SHISA6: variants seen among roughly 807,000 people sequenced by gnomAD.
SHISA6 encodes the protein protein shisa-6.
A neutral mutation model predicts 47.9 loss-of-function variants in SHISA6; 22 were observed. That is an observed-to-expected ratio of 0.46 (90% CI 0.33 to 0.66). The LOEUF (loss-of-function observed/expected upper bound fraction) is 0.66, where lower values mean the gene tolerates loss of function less well. SHISA6 is among the 30% of genes least tolerant of loss of function. The probability of loss-of-function intolerance (pLI) is 0.02; values close to 1 mark genes in which losing one functional copy is unlikely to be tolerated. For missense variants in SHISA6, 680 were observed against 764.6 expected, an observed-to-expected ratio of 0.89 and a Z score of 1.30; for synonymous variants, 388 against 337.8, an observed-to-expected ratio of 1.15 and a Z score of -1.63.
At chr17:11,400,309 G>T (rs935467994) in intron 3 of SHISA6, among the ~76,000 whole-genome samples, 1 of 152,204 alleles carries the variant, frequency 6.6e-6, no homozygotes, top group Non-Finnish European at 1.5e-5. Context: ...CCTAAGGTGA[G>T]TCAGCATCTT....
chr17:11,486,863 A>G (rs28459044), intron 3 of SHISA6, among the ~76,000 whole-genome samples: 7,186 of 152,288 alleles, frequency 0.047, 557 homozygotes, highest in African/African-American at 0.16. Context: ...TGTCACTACT[A>G]AGTTTACACT....
intron 2 of SHISA6, among the ~76,000 whole-genome samples, chr17:11,309,693 T>C (rs1910249198): frequency 6.6e-6 from 1 of 152,240 alleles, no homozygotes; most frequent in Admixed American, 6.5e-5. Context: ...ATCAAGTGAA[T>C]AGATGTTCCC....
At chr17:11,364,800 T>G (rs1200481832) in intron 2 of SHISA6, among the ~76,000 whole-genome samples, 1 of 152,244 alleles carries the variant, frequency 6.6e-6, no homozygotes, top group Non-Finnish European at 1.5e-5. Context: ...TGGTTTATCA[T>G]TTTGCATTCC....
Position 11,319,723 on chromosome 17 carries a change from C to T in SHISA6, c.799+56197C>T, listed in dbSNP as rs1288573868. The stretch of plus-strand genomic sequence containing the variant: ...AATTCTCCCTCTTTGAGGATATAAA[C>T]ACTGTTCAAAATGTATTCAATTCCT... On this transcript the variant is annotated intron_variant, in intron 2 of 5. Coordinates refer to ENST00000441885, the MANE Select transcript of SHISA6 (RefSeq NM_207386.4). 2.0e-5 allele frequency among the ~76,000 whole-genome samples: 3 copies of T among 152,284 alleles called. No individual in the cohort carries two copies. In the South Asian group the frequency reaches 6.2e-4, roughly 32 times the overall value.
intron 2 of SHISA6, among the ~76,000 whole-genome samples, chr17:11,338,222 A>G (rs533818525): frequency 6.6e-6 from 1 of 152,222 alleles, no homozygotes; most frequent in African/African-American, 2.4e-5. Flanking sequence ...ATCTGCTTTG[A>G]AGATGTTGGG....
intron 3 of SHISA6, among the ~76,000 whole-genome samples, chr17:11,408,006 T>C (rs1403493373): frequency 6.6e-6 from 1 of 152,200 alleles, no homozygotes; most frequent in Non-Finnish European, 1.5e-5. Flanking sequence ...CCCGACACCA[T>C]CAAATGAATA....
At chr17:11,350,835 A>G (rs1052257096) in intron 2 of SHISA6, among the ~76,000 whole-genome samples, 4 of 152,192 alleles carry the variant, frequency 2.6e-5, no homozygotes, top group African/African-American at 9.7e-5. Flanking sequence ...ATGAAGACAC[A>G]TGCACACATA....
At chr17:11,341,340 T>C (rs919523585) in intron 2 of SHISA6, among the ~76,000 whole-genome samples, 3 of 145,202 alleles carry the variant, frequency 2.1e-5, no homozygotes, top group Admixed American at 6.8e-5. Flanking sequence ...TTTTTTTTTT[T>C]TTTTTTTTTT....
In SHISA6 at chr17:11,388,390, G is replaced by GGAGCA. The variant is rs747156579; in HGVS notation, c.895+8890_895+8894dup. Among the ~76,000 whole-genome samples, 3 of 152,092 alleles carry GGAGCA rather than the reference G, an allele frequency of 2.0e-5. No homozygotes were observed. The East Asian group carries it at 5.8e-4, about 29-fold the overall frequency. Reference sequence around the variant, plus strand: ...GGTGAAGGGAGGATGGGTAGGAGTGGGAGCAGAGCAGAGAGGAACTCTCGG... The same window carrying GGAGCA: ...GGTGAAGGGAGGATGGGTAGGAGTGGGAGCAGAGCAGAGCAGAGAGGAACTCTCGG... On this transcript the variant is annotated intron_variant, in intron 3 of 5. Coordinates refer to ENST00000441885, the MANE Select transcript of SHISA6 (RefSeq NM_207386.4).
At chr17:11,409,701 C>T (rs1914063552) in intron 3 of SHISA6, among the ~76,000 whole-genome samples, 1 of 110,448 alleles carries the variant, frequency 9.1e-6, no homozygotes, top group Admixed American at 9.2e-5. Context: ...AAGACTCCAT[C>T]TCAAAAAAAA....
At chr17:11,366,336 C>T (rs779265990) in intron 2 of SHISA6, among the ~76,000 whole-genome samples, 4 of 152,206 alleles carry the variant, frequency 2.6e-5, no homozygotes, top group East Asian at 1.9e-4. Context: ...GGTGGGGTTT[C>T]GCCTTGTTGC....
intron 2 of SHISA6, among the ~76,000 whole-genome samples, chr17:11,317,971 C>T (rs1349936943): frequency 1.3e-5 from 2 of 152,116 alleles, no homozygotes; most frequent in African/African-American, 2.4e-5. Context: ...CTGTCCCTGC[C>T]ACTCATTCCA....
intron 3 of SHISA6, among the ~76,000 whole-genome samples, chr17:11,450,651 C>G (rs189171432): frequency 4.0e-5 from 6 of 151,726 alleles, no homozygotes; most frequent in Non-Finnish European, 8.8e-5. Context: ...GCCAAGATTG[C>G]GCCATTGCAC....
intron 2 of SHISA6, among the ~76,000 whole-genome samples, chr17:11,311,015 G>A (rs1039688582): frequency 6.6e-6 from 1 of 151,294 alleles, no homozygotes; most frequent in Non-Finnish European, 1.5e-5. Flanking sequence ...GCTAAGGCAG[G>A]AGAATGGCGT....
At chr17:11,283,297 T>G (rs1909185902) in intron 2 of SHISA6, among the ~76,000 whole-genome samples, 1 of 152,238 alleles carries the variant, frequency 6.6e-6, no homozygotes, top group South Asian at 2.1e-4. Context: ...GAAGAAGAAG[T>G]AATTGTTTCC....
At chr17:11,364,240 C>T (rs1382399450) in intron 2 of SHISA6, among the ~76,000 whole-genome samples, 1 of 152,184 alleles carries the variant, frequency 6.6e-6, no homozygotes, top group African/African-American at 2.4e-5. Flanking sequence ...AGAACGTTTC[C>T]ATCACCCCAT....
chr17:11,344,307 C>T (rs963216610), intron 2 of SHISA6, among the ~76,000 whole-genome samples: 3 of 152,070 alleles, frequency 2.0e-5, no homozygotes, highest in Admixed American at 6.5e-5. Flanking sequence ...TCCTTTGAAA[C>T]AAAAACGTTT....
chr17:11,403,588 C>A (rs1913849227), intron 3 of SHISA6, among the ~76,000 whole-genome samples: 1 of 152,188 alleles, frequency 6.6e-6, no homozygotes, highest in South Asian at 2.1e-4. Context: ...ATAGTCAAGA[C>A]TGGCCACTGG....
intron 3 of SHISA6, among the ~76,000 whole-genome samples, chr17:11,416,839 T>A (rs938917404): frequency 6.6e-6 from 1 of 152,106 alleles, no homozygotes; most frequent in Non-Finnish European, 1.5e-5. Context: ...CTGATGTAAG[T>A]CATTTTTATG....
Sources: allele counts gnomAD v4.1 joint callset (sites outside exome capture counted in the v4.1 genomes callset), GRCh38; gene constraint gnomAD v4.1.1; transcripts MANE v1.5; gene names NCBI Gene and HGNC (gene_info 2026-07-23, HGNC 2026-07-21).